GAL3ST4: variants seen among roughly 807,000 people sequenced by gnomAD.
The protein encoded by GAL3ST4 is beta-galactose-3-O-sulfotransferase 4.
GAL3ST4 carries 30 observed loss-of-function variants against 31.6 expected under a neutral mutation model. That is an observed-to-expected ratio of 0.95 (90% CI 0.71 to 1.29). The LOEUF (loss-of-function observed/expected upper bound fraction) is 1.29, where lower values mean the gene tolerates loss of function less well. Ranked by LOEUF, GAL3ST4 falls within the 50% of genes most tolerant of loss-of-function variation. GAL3ST4 has a pLI of 0.00. For missense variants in GAL3ST4, 629 were observed against 625.2 expected (o/e 1.01, Z -0.06); for synonymous variants, 248 against 256.9 (o/e 0.97, Z 0.33).
At position 100,160,807 on chromosome 7, in the gene GAL3ST4, G is replaced by A; in HGVS notation, c.582C>T (p.Gly194=). ...SLAAFLANPR[G]FYRPGARGDH... ...CCCCACGGGCCCCAGGCCTGTAGAA[G>A]CCTCGAGGATTGGCCAGGAAGGCAG... Residue 194 remains glycine, a synonymous_variant, in exon 4 of 4, where the codon GGC becomes GGT. Transcript: ENST00000360039. The A allele has an allele frequency of 1.2e-6, 2 of 1,614,246 alleles. No homozygotes were observed. The highest frequency in any genetic ancestry group is 1.7e-6 in the Non-Finnish European group (2 of 1,180,040).
In GAL3ST4 at chr7:100,160,139, T is replaced by A; in HGVS notation, c.1250A>T (p.Lys417Ile). ...CLVGGEASDP[K>I]YITDRRFRPF... ...GCGGAACCGGCGATCAGTGATGTAT[T>A]TGGGGTCAGAAGCCTCACCCCCTAC... Residue 417 changes from lysine to isoleucine, a missense_variant, in exon 4 of 4, where the codon AAA becomes ATA. Coordinates refer to ENST00000360039, the MANE Select transcript of GAL3ST4 (RefSeq NM_024637.5). The A allele has an allele frequency of 6.2e-7, 1 of 1,613,874 alleles. No individual in the cohort carries two copies. The highest frequency in any genetic ancestry group is 8.5e-7 in the Non-Finnish European group (1 of 1,179,794).
At chr7:100,163,475 C>CTTT (rs397889093) in intron 3 of GAL3ST4, among the ~76,000 whole-genome samples, 1 of 133,508 alleles carries the variant, frequency 7.5e-6, no homozygotes, top group African/African-American at 2.8e-5. Flanking sequence ...TGTGAACTCT[C>CTTT]TTTTTTTTTT....
chr7:100,160,710 C>T lies in GAL3ST4; in HGVS notation c.679G>A (p.Gly227Arg). The T allele has an allele frequency of 6.2e-7, 1 of 1,614,038 alleles. No homozygotes were observed. Among genetic ancestry groups the T allele is most frequent in the South Asian group, 1.1e-5 (1 of 91,084 alleles). ...PFPPEKRAKRGNIHPPRDPNP... is the reference protein window; with the variant it reads ...PFPPEKRAKRRNIHPPRDPNP... ...GGGTCTCTGGGGGGATGAATATTCC[C>T]TCTCTTGGCCCTCTTCTCTGGGGGA... The change falls in exon 4 of 4, where the codon GGG becomes AGG. Residue 227 changes from glycine to arginine, a missense_variant. By Grantham distance (125) the Gly-to-Arg change is moderately radical. Transcript: ENST00000360039.
intron 3 of GAL3ST4, among the ~76,000 whole-genome samples, 156 bp from the exon 4 acceptor site, chr7:100,161,115 T>C (rs1004246261): frequency 2.0e-5 from 3 of 152,178 alleles, no homozygotes; most frequent in Admixed American, 6.5e-5. Context: ...GAGTGGCAAG[T>C]TACTTAACAT....
In GAL3ST4 at chr7:100,162,386, A is replaced by T. The variant is rs191696442; in HGVS notation, c.430-1427T>A. Among the ~76,000 whole-genome samples the T allele has an allele frequency of 2.4e-3, 357 of 150,738 alleles. 2 individuals are homozygous for T. Among genetic ancestry groups the T allele is most frequent in the Non-Finnish European group, 3.3e-3 (226 of 67,682 alleles). The stretch of plus-strand genomic sequence containing the variant: ...ATGGTGAAACCACATCTCTACTAAA[A>T]CTATAAAAATTAGCCAGGCGTGGTG... On this transcript the variant is annotated intron_variant, in intron 3 of 3. Transcript: ENST00000360039.
chr7:100,159,748 CA>C lies in GAL3ST4; in HGVS notation c.*179del. Reference sequence around the variant, plus strand: ...AAAAAAAAAAGTTGGGGGGAAAGAACAAAATGAGTGGAGGGTGGAGGAGGGA... The same window carrying C: ...AAAAAAAAAAGTTGGGGGGAAAGAACAAATGAGTGGAGGGTGGAGGAGGGA... On this transcript the variant is annotated 3_prime_UTR_variant, in exon 4 of 4. Coordinates refer to ENST00000360039, the MANE Select transcript of GAL3ST4 (RefSeq NM_024637.5). 1.8e-6 allele frequency: 1 copy of C among 563,748 alleles called. No individual in the cohort carries two copies. The highest frequency in any genetic ancestry group is 3.1e-6 in the Non-Finnish European group (1 of 326,618). The allele number at this position is 563,748 out of a possible 1,614,324, so 34.9% of individuals were successfully genotyped here. A position where few individuals can be genotyped will look rare whatever the true frequency, so the allele number is the denominator to read the frequency against.
intron 3 of GAL3ST4, among the ~76,000 whole-genome samples, chr7:100,165,819 T>TCACACACACACACACACACA (rs61284255): frequency 2.0e-4 from 27 of 136,374 alleles, no homozygotes; most frequent in South Asian, 4.9e-4. Context: ...AGACCCTGTC[T>TCACACACACACACACACACA]CACACACACA....
rs913254575 is a variant in GAL3ST4 at position 100,167,299 on chromosome 7, G to C, written c.-188-16C>G. On this transcript the variant is annotated splice_polypyrimidine_tract_variant and intron_variant, in intron 1 of 3. Transcript: ENST00000360039. ...CTGTCAGCGTCTAGAAGGGAAATGA[G>C]GGGGGAAGAAGGGAAGTCTAAGGAG... 3.8e-6 allele frequency: 5 copies of C among 1,308,408 alleles called. No homozygotes were observed. The highest frequency in any genetic ancestry group is 5.4e-5 in the Admixed American group (2 of 37,218). The allele number at this position is 1,308,408 out of a possible 1,614,324, so 81.0% of individuals were successfully genotyped here. A position where few individuals can be genotyped will look rare whatever the true frequency, so the allele number is the denominator to read the frequency against.
In GAL3ST4 at chr7:100,160,864, G is replaced by T; in HGVS notation, c.525C>A (p.Thr175=). 2 of 1,614,176 alleles carry T rather than the reference G, an allele frequency of 1.2e-6. No homozygotes were observed. Among genetic ancestry groups the T allele is most frequent in the Non-Finnish European group, 1.7e-6 (2 of 1,180,032 alleles). Residue 175 remains threonine, a synonymous_variant, in exon 4 of 4, where the codon ACC becomes ACA. Transcript: ENST00000360039. ...ARSAFSYYKS[T]SSAFRKSPSL... is the part of the protein sequence containing the mutation. Reference sequence around the variant, plus strand: ...ATGGTGACTTGCGGAAGGCTGATGAGGTGGATTTATAGTAGGAGAAGGCAG... The same window carrying T: ...ATGGTGACTTGCGGAAGGCTGATGATGTGGATTTATAGTAGGAGAAGGCAG...
rs752963272 is a variant in GAL3ST4 at position 100,160,006 on chromosome 7, G to A, written c.1383C>T (p.Tyr461=). The change falls in exon 4 of 4, where the codon TAC becomes TAT. Residue 461 remains tyrosine, a synonymous_variant. Transcript: ENST00000360039. ...CERLATPELQ[Y]KDKLDAKQFP... is the part of the protein sequence containing the mutation. ...ACTGCTTGGCATCCAGCTTGTCCTTGTACTGGAGCTCAGGGGTAGCTAGGC... is the reference window on the plus strand; with the variant it reads ...ACTGCTTGGCATCCAGCTTGTCCTTATACTGGAGCTCAGGGGTAGCTAGGC... 2 of 1,614,066 alleles carry A rather than the reference G, an allele frequency of 1.2e-6. No homozygotes were observed. Among genetic ancestry groups the A allele is most frequent in the Non-Finnish European group, 8.5e-7 (1 of 1,179,990 alleles).
intron 3 of GAL3ST4, among the ~76,000 whole-genome samples, chr7:100,163,866 G>A (rs1273877743): frequency 3.3e-5 from 5 of 152,142 alleles, no homozygotes; most frequent in African/African-American, 1.2e-4. Context: ...AGGGGAAAGC[G>A]AAGAAAACAG....
In GAL3ST4 at chr7:100,160,237, G is replaced by A. The variant is rs376146452; in HGVS notation, c.1152C>T (p.Tyr384=). 5.1e-5 allele frequency: 83 copies of A among 1,613,982 alleles called. No homozygotes were observed. The highest frequency in any genetic ancestry group is 6.2e-5 in the Non-Finnish European group (73 of 1,180,042). ...NRSLWARIEK[Y]GQGRLQTAVA... is the part of the protein sequence containing the mutation. The stretch of plus-strand genomic sequence containing the variant: ...CAGCTGTCTGCAGCCGGCCCTGGCC[G>A]TATTTCTCTATCCGTGCCCAGAGAC... Residue 384 remains tyrosine (Y), a synonymous_variant, in exon 4 of 4, where the codon TAC becomes TAT. Transcript: ENST00000360039.
chr7:100,166,530 CAG>C lies in GAL3ST4; in HGVS notation c.399_400del (p.Cys134SerfsTer17), dbSNP rs769911775. On this transcript the variant is annotated frameshift_variant, in exon 3 of 4. Coordinates refer to ENST00000360039, the MANE Select transcript of GAL3ST4 (RefSeq NM_024637.5). LOFTEE classifies it high-confidence loss of function. ...TTTCAGGTTGAACCTCATGTGGTGA[CAG>C]AGGATGTGGAAGGGGAGCTGGGTGC... 5.0e-6 allele frequency: 8 copies of C among 1,613,860 alleles called. No homozygotes were observed. In the Middle Eastern group the frequency reaches 4.9e-4, roughly 100 times the overall value.
Position 100,166,977 on chromosome 7 carries a change from T to C in GAL3ST4, c.119A>G (p.Gln40Arg), listed in dbSNP as rs1371985851. The C allele has an allele frequency of 1.3e-6, 2 of 1,591,954 alleles. No homozygotes were observed. Among genetic ancestry groups the C allele is most frequent in the Non-Finnish European group, 1.7e-6 (2 of 1,170,264 alleles). Residue 40 changes from glutamine (Q) to arginine (R), a missense_variant, in exon 2 of 4, where the codon CAG (glutamine) becomes CGG (arginine). Gln to Arg is a conservative substitution (Grantham distance 43). Transcript: ENST00000360039. ...GGGCAAAGTGGGAACTCACCTCCTC[T>C]GGAAGGGCCCTCCCAAGAGCTGGAG... The part of the protein sequence containing the change: ...FALQLLGGPF[Q>R]RRLPGLQLRQ...
chr7:100,160,168 A>G lies in GAL3ST4; in HGVS notation c.1221T>C (p.Cys407=). Residue 407 remains cysteine (C), a synonymous_variant, in exon 4 of 4, where the codon TGT becomes TGC. Coordinates refer to ENST00000360039, the MANE Select transcript of GAL3ST4 (RefSeq NM_024637.5). ...RARREALAKH[C]LVGGEASDPK... ...GGTCAGAAGCCTCACCCCCTACCAGACAATGTTTCGCTAGGGCCTCTCGGC... is the reference window on the plus strand; with the variant it reads ...GGTCAGAAGCCTCACCCCCTACCAGGCAATGTTTCGCTAGGGCCTCTCGGC... 6.2e-7 allele frequency: 1 copy of G among 1,614,074 alleles called. No homozygotes were observed. Among genetic ancestry groups the G allele is most frequent in the Admixed American group, 1.7e-5 (1 of 59,990 alleles).
rs570711908 is a variant in GAL3ST4 at position 100,166,936 on chromosome 7, C to T, written c.125+35G>A. ...GGGATGGGGAAGAGCAAGTACGGGGCGTCTAGAAGGAGTTGGGGCAAAGTG... is the reference window on the plus strand; with the variant it reads ...GGGATGGGGAAGAGCAAGTACGGGGTGTCTAGAAGGAGTTGGGGCAAAGTG... On this transcript the variant is annotated intron_variant, in intron 2 of 3. Transcript: ENST00000360039. The T allele has an allele frequency of 6.1e-5, 97 of 1,586,248 alleles. 1 individual carries two copies. The South Asian group carries it at 9.4e-4, about 15-fold the overall frequency.
intron 3 of GAL3ST4, among the ~76,000 whole-genome samples, chr7:100,162,900 AAAAG>A (rs368458931): frequency 1.1e-4 from 17 of 152,144 alleles, no homozygotes; most frequent in Admixed American, 2.0e-4. Context: ...AAAAGAAAAA[AAAAG>A]AAAGAAGGGA....
At position 100,167,000 on chromosome 7, in the gene GAL3ST4, G is replaced by T; in HGVS notation, c.96C>A (p.Leu32=). Residue 32 remains leucine (L), a synonymous_variant, in exon 2 of 4, where the codon CTC becomes CTA. Transcript: ENST00000360039. ...LGVFMTIGFA[L]QLLGGPFQRR... Reference sequence around the variant, plus strand: ...TCTGGAAGGGCCCTCCCAAGAGCTGGAGTGCAAAGCCAATGGTCATGAAGA... The same window carrying T: ...TCTGGAAGGGCCCTCCCAAGAGCTGTAGTGCAAAGCCAATGGTCATGAAGA... The T allele has an allele frequency of 6.3e-7, 1 of 1,585,314 alleles. No individual in the cohort carries two copies.
chr7:100,166,909 G>T (rs961688799), intron 2 of GAL3ST4, 62 bp downstream of exon 2: 3 of 1,569,234 alleles, frequency 1.9e-6, no homozygotes. Context: ...CCAGCCCCAG[G>T]TGGGATGGGG....
Sources: gnomAD v4.1 joint callset for allele counts (sites outside exome capture counted in the v4.1 genomes callset) on GRCh38, gnomAD v4.1.1 for gene constraint, MANE v1.5 for transcripts, NCBI Gene and HGNC (gene_info 2026-07-23, HGNC 2026-07-21) for gene names.